SAMD12: variants seen among roughly 807,000 people sequenced by gnomAD.
SAMD12 encodes the protein sterile alpha motif domain containing 12, also known as sterile alpha motif domain-containing protein 12.
A neutral mutation model predicts 15.0 loss-of-function variants in SAMD12; 9 were observed. The observed-to-expected ratio is 0.60, with a 90% CI of 0.36 to 1.05. SAMD12 has a LOEUF of 1.05. Among genes scored for constraint, SAMD12 ranks in the 50% least tolerant of loss-of-function variants. The pLI is 0.01. For missense variants in SAMD12, 230 were observed against 234.2 expected (o/e 0.98, Z 0.12); for synonymous variants, 86 against 90.1 (o/e 0.96, Z 0.25).
In SAMD12 at chr8:118,429,703, G is replaced by T. The variant is rs1586709290; in HGVS notation, c.322+10129C>A. On this transcript the variant is annotated intron_variant, in intron 3 of 3. Transcript: ENST00000314727. ...GAGGTCAGTAGTTTGAGACCAATCT[G>T]GCCAACATTGTGAAATCCTGTCTCT... Among the ~76,000 whole-genome samples the T allele has an allele frequency of 2.6e-5, 4 of 152,218 alleles. No individual in the cohort carries two copies. In the South Asian group the frequency reaches 8.3e-4, roughly 32 times the overall value.
intron 3 of SAMD12, among the ~76,000 whole-genome samples, chr8:118,436,941 C>A (rs904247309): frequency 6.6e-6 from 1 of 152,146 alleles, no homozygotes; most frequent in African/African-American, 2.4e-5. Flanking sequence ...CTGCCATGCA[C>A]CCAGCAACCT....
chr8:118,426,810 A>T (rs1470777753), intron 3 of SAMD12, among the ~76,000 whole-genome samples: 1 of 139,330 alleles, frequency 7.2e-6, no homozygotes, highest in Non-Finnish European at 1.5e-5. Context: ...TGAAATCGTG[A>T]GTATTTTGTG....
chr8:118,326,815 G>A (rs1048328041), intron 4 of SAMD12, among the ~76,000 whole-genome samples: 7 of 152,116 alleles, frequency 4.6e-5, no homozygotes, highest in Non-Finnish European at 1.0e-4. Context: ...TGCTTATTAT[G>A]GTTACATGTT....
chr8:118,387,943 T>A (rs1250200274), intron 3 of SAMD12, among the ~76,000 whole-genome samples: 1 of 152,152 alleles, frequency 6.6e-6, no homozygotes, highest in East Asian at 1.9e-4. Flanking sequence ...ATTCATAGAC[T>A]GTATGTGTAC....
At chr8:118,371,933 T>A (rs891155746) in intron 4 of SAMD12, among the ~76,000 whole-genome samples, 1 of 151,472 alleles carries the variant, frequency 6.6e-6, no homozygotes, top group East Asian at 1.9e-4. Context: ...ACTGAGAGAG[T>A]CAATATCCTG....
At chr8:118,361,124 C>G (rs1018869233) in intron 4 of SAMD12, among the ~76,000 whole-genome samples, 2 of 152,182 alleles carry the variant, frequency 1.3e-5, no homozygotes, top group African/African-American at 4.8e-5. Flanking sequence ...AAATACTCTC[C>G]CTGATTCCAA....
intron 4 of SAMD12, among the ~76,000 whole-genome samples, chr8:118,232,324 G>C (rs1451360995): frequency 6.6e-6 from 1 of 152,142 alleles, no homozygotes; most frequent in Non-Finnish European, 1.5e-5. Flanking sequence ...TTGCAACCTA[G>C]AGGGTAAACT....
chr8:118,530,245 G>A (rs1825647865), intron 2 of SAMD12, among the ~76,000 whole-genome samples: 2 of 152,126 alleles, frequency 1.3e-5, no homozygotes, highest in Non-Finnish European at 2.9e-5. Context: ...GGTTCCAGAG[G>A]TACATGTACA....
chr8:118,357,201 A>G lies in SAMD12; in HGVS notation c.433+22359T>C, dbSNP rs114034293. On this transcript the variant is annotated intron_variant, in intron 4 of 4. Coordinates refer to the SAMD12 transcript ENST00000409003. ...ATTGTACAGCATGGTGACTACAGTTAATAATGATGTATATTTCAAATTGCT... is the reference window on the plus strand; with the variant it reads ...ATTGTACAGCATGGTGACTACAGTTGATAATGATGTATATTTCAAATTGCT... 8.1e-3 allele frequency among the ~76,000 whole-genome samples: 1,238 copies of G among 152,306 alleles called. 18 individuals carry two copies. The highest frequency in any genetic ancestry group is 0.028 in the African/African-American group (1,180 of 41,572).
At chr8:118,493,831 A>G (rs1049158699) in intron 2 of SAMD12, among the ~76,000 whole-genome samples, 1 of 152,150 alleles carries the variant, frequency 6.6e-6, no homozygotes, top group African/African-American at 2.4e-5. Context: ...AGGATCCAGG[A>G]TCTAATCAGA....
intron 4 of SAMD12, among the ~76,000 whole-genome samples, chr8:118,263,448 G>A (rs934592084): frequency 9.9e-5 from 15 of 151,978 alleles, no homozygotes; most frequent in African/African-American, 1.7e-4. Flanking sequence ...TCAGACACAC[G>A]TTTTACTGAA....
intron 2 of SAMD12, among the ~76,000 whole-genome samples, chr8:118,463,175 A>C (rs891039966): frequency 6.6e-6 from 1 of 151,078 alleles, no homozygotes; most frequent in Non-Finnish European, 1.5e-5. Flanking sequence ...GGTGTGGGGA[A>C]TGGATGGCTT....
the SAMD12 span, among the ~76,000 whole-genome samples, chr8:118,166,600 C>A: frequency 2.6e-5 from 4 of 152,268 alleles, no homozygotes; most frequent in Non-Finnish European, 4.4e-5. Context: ...GGTTATTCAC[C>A]TTTACAGGTT....
At chr8:118,282,865 G>C (rs1345862903) in intron 4 of SAMD12, among the ~76,000 whole-genome samples, 2 of 151,838 alleles carry the variant, frequency 1.3e-5, no homozygotes, top group Non-Finnish European at 2.9e-5. Flanking sequence ...TGTGTGTGTA[G>C]CTGTATGTAT....
chr8:118,440,038 T>C (rs1822693920), intron 2 of SAMD12, 77 bp from the exon 3 acceptor site: 1 of 1,440,130 alleles, frequency 6.9e-7, no homozygotes, highest in South Asian at 1.2e-5. Flanking sequence ...TCTTAGAGTG[T>C]GTTAAAGGCT....
intron 4 of SAMD12, among the ~76,000 whole-genome samples, chr8:118,234,293 T>A (rs1364738232): frequency 6.6e-6 from 1 of 152,006 alleles, no homozygotes; most frequent in South Asian, 2.1e-4. Context: ...GAAGGCATTG[T>A]CTATTTCCTA....
At chr8:118,556,447 T>C (rs1826532514) in intron 2 of SAMD12, among the ~76,000 whole-genome samples, 1 of 152,240 alleles carries the variant, frequency 6.6e-6, no homozygotes, top group South Asian at 2.1e-4. Context: ...CACAATATTT[T>C]AGACATTTTG....
chr8:118,522,132 C>T (rs1160201437), intron 2 of SAMD12, among the ~76,000 whole-genome samples: 5 of 151,208 alleles, frequency 3.3e-5, no homozygotes, highest in African/African-American at 7.3e-5. Flanking sequence ...ACAGTGGTGA[C>T]AGTTAACAAC....
the SAMD12 span, among the ~76,000 whole-genome samples, chr8:118,174,551 C>T: frequency 6.6e-6 from 1 of 152,170 alleles, no homozygotes; most frequent in Non-Finnish European, 1.5e-5. Flanking sequence ...TTTTACTATA[C>T]TGGCAAATGC....
Sources: allele counts gnomAD v4.1 joint callset (sites outside exome capture counted in the v4.1 genomes callset), GRCh38; gene constraint gnomAD v4.1.1; transcripts MANE v1.5; gene names NCBI Gene and HGNC (gene_info 2026-07-23, HGNC 2026-07-21).